MYO3B: variants seen among roughly 807,000 people sequenced by gnomAD.
MYO3B encodes myosin-IIIb.
In MYO3B, 156 loss-of-function variants were observed where a neutral mutation model predicts 174.6. The observed-to-expected ratio is 0.89, with a 90% CI of 0.78 to 1.02. The LOEUF is 1.02. Ranked by LOEUF, MYO3B falls within the 50% of genes least tolerant of loss-of-function variation. The pLI is 0.00. For missense variants in MYO3B, 1,632 were observed against 1,639.4 expected (o/e 1.00, Z 0.08); for synonymous variants, 563 against 569.1 (o/e 0.99, Z 0.15).
chr2:170,583,591 G>A (rs1199354551), intron 32 of MYO3B, among the ~76,000 whole-genome samples: 3 of 152,134 alleles, frequency 2.0e-5, no homozygotes, highest in Admixed American at 2.0e-4. Context: ...TACTAGGATT[G>A]TCTATGCATA....
At chr2:170,349,336 C>T (rs1574829815) in intron 8 of MYO3B, among the ~76,000 whole-genome samples, 3 of 152,268 alleles carry the variant, frequency 2.0e-5, no homozygotes, top group Non-Finnish European at 2.9e-5. Flanking sequence ...TTTGTTTCTA[C>T]GTCTGTCTCC....
Position 170,217,383 on chromosome 2 carries a change from G to A in MYO3B, c.591G>A (p.Trp197Ter), listed in dbSNP as rs763721134. The change falls in exon 6 of 35, where the codon TGG (tryptophan) becomes TGA (stop). Residue 197 changes from tryptophan (W) to a stop codon, truncating the protein, a stop_gained. Coordinates refer to ENST00000408978, the MANE Select transcript of MYO3B (RefSeq NM_138995.5). LOFTEE classifies it high-confidence loss of function. ...RRNTSVGTPF[W>*]MAPEVIACEQ... ...ACACATCTGTTGGCACCCCGTTCTG[G>A]ATGGCCCCTGAGGTAAGCTGGAAAT... 1 of 1,613,964 alleles carries A rather than the reference G, an allele frequency of 6.2e-7. No individual in the cohort carries two copies. Among genetic ancestry groups the A allele is most frequent in the Non-Finnish European group, 8.5e-7 (1 of 1,179,832 alleles).
intron 5 of MYO3B, among the ~76,000 whole-genome samples, chr2:170,216,467 T>C (rs2092829300): frequency 6.6e-6 from 1 of 152,208 alleles, no homozygotes; most frequent in African/African-American, 2.4e-5. Flanking sequence ...ACATAATTAG[T>C]AAAAAGCATA....
At chr2:170,651,561 A>G in intron 32 of MYO3B, 67 bp from the exon 33 acceptor site, 1 of 1,236,924 alleles carries the variant, frequency 8.1e-7, no homozygotes, top group Non-Finnish European at 1.2e-6. Context: ...TTATGTGAAG[A>G]GCCATTTTTC....
At chr2:170,595,401 GC>G (rs970133201) in intron 32 of MYO3B, among the ~76,000 whole-genome samples, 1 of 141,822 alleles carries the variant, frequency 7.1e-6, no homozygotes, top group African/African-American at 2.9e-5. Flanking sequence ...TCTTCATTTT[GC>G]CCCTCTTCTT....
chr2:170,527,404 T>G (rs892538613), intron 30 of MYO3B, among the ~76,000 whole-genome samples: 1 of 152,246 alleles, frequency 6.6e-6, no homozygotes, highest in African/African-American at 2.4e-5. Flanking sequence ...TTGGCCTGAA[T>G]GTTGTTAAAT....
At chr2:170,236,194 A>C in intron 7 of MYO3B, 58 bp downstream of exon 7, 2 of 1,583,526 alleles carry the variant, frequency 1.3e-6, no homozygotes, top group Middle Eastern at 1.7e-4. Context: ...GTCTGGTTAG[A>C]GGGATAATAA....
At chr2:170,345,823 G>A (rs746519121) in intron 8 of MYO3B, among the ~76,000 whole-genome samples, 1 of 150,988 alleles carries the variant, frequency 6.6e-6, no homozygotes, top group Non-Finnish European at 1.5e-5. Flanking sequence ...ATGGGGCAAT[G>A]TGTACACAGA....
At chr2:170,536,091 G>A (rs1276953126) in intron 30 of MYO3B, among the ~76,000 whole-genome samples, 1 of 152,332 alleles carries the variant, frequency 6.6e-6, no homozygotes, top group African/African-American at 2.4e-5. Flanking sequence ...CTGCAGTAAA[G>A]TAGTGAAGGA....
intron 1 of MYO3B, among the ~76,000 whole-genome samples, chr2:170,188,604 C>T (rs1365431391): frequency 6.6e-6 from 1 of 151,718 alleles, no homozygotes; most frequent in East Asian, 1.9e-4. Flanking sequence ...TGATTACTTG[C>T]TTTTTATTTG....
intron 32 of MYO3B, among the ~76,000 whole-genome samples, chr2:170,621,247 A>G (rs1695891919): frequency 2.0e-5 from 3 of 152,138 alleles, no homozygotes; most frequent in Admixed American, 6.5e-5. Context: ...ATATGTATAG[A>G]AACACTTGGA....
chr2:170,617,702 C>T (rs913456501), intron 32 of MYO3B, among the ~76,000 whole-genome samples: 5 of 152,146 alleles, frequency 3.3e-5, no homozygotes, highest in Admixed American at 1.3e-4. Context: ...GTTAAATCTA[C>T]GATATAATAG....
At chr2:170,183,339 G>A (rs139980472) in intron 1 of MYO3B, among the ~76,000 whole-genome samples, 1 of 152,110 alleles carries the variant, frequency 6.6e-6, no homozygotes, top group Admixed American at 6.5e-5. Context: ...CAAGCATAAG[G>A]TATATGGTTT....
chr2:170,513,606 T>C (rs1041665051), intron 28 of MYO3B, among the ~76,000 whole-genome samples: 1 of 152,232 alleles, frequency 6.6e-6, no homozygotes, highest in African/African-American at 2.4e-5. Context: ...AGGTTCTGAA[T>C]GGACATGAAT....
rs371731248 is a variant in MYO3B at position 170,404,367 on chromosome 2, C to A, written c.2398C>A (p.Arg800=). Reference sequence around the variant, plus strand: ...GCTTGCACTTTTGGATGAGGAAAGTCGGTTTCCCCAAGCAACTGACCAGAC... The same window carrying A: ...GCTTGCACTTTTGGATGAGGAAAGTAGGTTTCCCCAAGCAACTGACCAGAC... ...GLLALLDEES[R]FPQATDQTLV... is the part of the protein sequence containing the mutation. Residue 800 remains arginine, a synonymous_variant, in exon 20 of 35, where the codon CGG becomes AGG. Coordinates refer to ENST00000408978, the MANE Select transcript of MYO3B (RefSeq NM_138995.5). The A allele has an allele frequency of 6.2e-7, 1 of 1,613,602 alleles. No individual in the cohort carries two copies. The highest frequency in any genetic ancestry group is 8.5e-7 in the Non-Finnish European group (1 of 1,179,798).
intron 32 of MYO3B, among the ~76,000 whole-genome samples, chr2:170,621,819 G>A (rs1035138696): frequency 2.0e-5 from 3 of 151,846 alleles, no homozygotes; most frequent in African/African-American, 2.4e-5. Context: ...CACCATGCCC[G>A]GCTAGAAATG....
At chr2:170,201,181 C>G (rs1269364798) in intron 3 of MYO3B, among the ~76,000 whole-genome samples, 12 of 152,244 alleles carry the variant, frequency 7.9e-5, no homozygotes, top group African/African-American at 2.9e-4. Flanking sequence ...GCAAAAGAGT[C>G]AATTCCGAAC....
At chr2:170,199,863 A>G (rs2092641993) in intron 2 of MYO3B, among the ~76,000 whole-genome samples, 1 of 152,196 alleles carries the variant, frequency 6.6e-6, no homozygotes, top group African/African-American at 2.4e-5. Flanking sequence ...CTTTTCAATA[A>G]AAAAGATATT....
At chr2:170,649,406 A>AATATTACATATAAAATATATATAAT (rs1575345349) in intron 32 of MYO3B, among the ~76,000 whole-genome samples, 4 of 126,294 alleles carry the variant, frequency 3.2e-5, no homozygotes, top group South Asian at 4.7e-4. Flanking sequence ...TAAAATATAA[A>AATATTACATATAAAATATATATAAT]ATATTACATA....
Sources: allele counts gnomAD v4.1 joint callset (sites outside exome capture counted in the v4.1 genomes callset), GRCh38; gene constraint gnomAD v4.1.1; transcripts MANE v1.5; gene names NCBI Gene and HGNC (gene_info 2026-07-23, HGNC 2026-07-21).